DCBLD2: variants seen among roughly 807,000 people sequenced by gnomAD.
The protein encoded by DCBLD2 is discoidin, CUB and LCCL domain containing 2, also known as discoidin, CUB and LCCL domain-containing protein 2.
A neutral mutation model predicts 86.8 loss-of-function variants in DCBLD2; 54 were observed. The ratio of observed to expected loss-of-function variants is 0.62; its 90% CI spans 0.50 to 0.78. The LOEUF (loss-of-function observed/expected upper bound fraction) is 0.78. DCBLD2 is among the 30% of genes least tolerant of loss of function. The pLI, the probability that DCBLD2 is intolerant of heterozygous loss-of-function variation, is 0.00. For synonymous variants in DCBLD2, 354 were observed against 341.3 expected (o/e 1.04, Z -0.41); for missense variants, 908 against 954.2 (o/e 0.95, Z 0.64).
chr3:98,799,970 A>C, intron 15 of DCBLD2, 129 bp from the exon 16 acceptor site: 1 of 726,914 alleles, frequency 1.4e-6, no homozygotes, highest in Non-Finnish European at 2.2e-6. Flanking sequence ...TCAATACTTA[A>C]TCTGTAAGAA....
chr3:98,877,223 T>C (rs1211151900), intron 2 of DCBLD2, among the ~76,000 whole-genome samples: 1 of 152,044 alleles, frequency 6.6e-6, no homozygotes, highest in Non-Finnish European at 1.5e-5. Flanking sequence ...CAGAAAGAAA[T>C]GAACCAAACC....
In DCBLD2 at chr3:98,847,045, G is replaced by A. The variant is rs868463555; in HGVS notation, c.571+2416C>T. ...TCTATCCTCTCACCTATCAACCCAA[G>A]ACTTTCAATAAGTAAAACTTAAAGG... On this transcript the variant is annotated intron_variant, in intron 3 of 15. Transcript: ENST00000326840. Among the ~76,000 whole-genome samples, 358 of 152,190 alleles carry A rather than the reference G, an allele frequency of 2.4e-3. 3 individuals are homozygous for A. Among genetic ancestry groups the A allele is most frequent in the African/African-American group, 8.2e-3 (340 of 41,510 alleles).
intron 13 of DCBLD2, among the ~76,000 whole-genome samples, chr3:98,805,311 C>A (rs1243706804): frequency 6.6e-6 from 1 of 152,044 alleles, no homozygotes; most frequent in Admixed American, 6.6e-5. Context: ...AAAAAAAATA[C>A]TGATTAAACA....
At chr3:98,843,908 T>C (rs952735254) in intron 3 of DCBLD2, among the ~76,000 whole-genome samples, 1 of 152,166 alleles carries the variant, frequency 6.6e-6, no homozygotes, top group Non-Finnish European at 1.5e-5. Context: ...GCAAACTTTA[T>C]AGACTGAGCA....
At chr3:98,835,943 T>C (rs1398594197) in intron 3 of DCBLD2, among the ~76,000 whole-genome samples, 5 of 149,564 alleles carry the variant, frequency 3.3e-5, no homozygotes, top group Non-Finnish European at 5.9e-5. Context: ...TCTTTCTTTT[T>C]TTTTTTTTTT....
At chr3:98,799,906 G>T in intron 15 of DCBLD2, 65 bp from the exon 16 acceptor site, 1 of 1,340,678 alleles carries the variant, frequency 7.5e-7, no homozygotes. Context: ...AATTTAGGGT[G>T]GCAGCTGCAG....
intron 14 of DCBLD2, chr3:98,801,156 C>A: frequency 4.1e-6 from 1 of 244,274 alleles, no homozygotes; most frequent in Non-Finnish European, 7.8e-6. Context: ...TCACTTGCAG[C>A]AATTCAGAAG....
intron 3 of DCBLD2, among the ~76,000 whole-genome samples, chr3:98,840,972 T>C (rs1942609814): frequency 6.6e-6 from 1 of 152,264 alleles, no homozygotes; most frequent in African/African-American, 2.4e-5. Flanking sequence ...TCAGGGATTC[T>C]GCTGAAGCAA....
intron 3 of DCBLD2, among the ~76,000 whole-genome samples, chr3:98,827,952 G>C (rs1217168198): frequency 6.6e-6 from 1 of 152,132 alleles, no homozygotes; most frequent in Non-Finnish European, 1.5e-5. Context: ...GTTTCAGCAA[G>C]GGTGCCTAGA....
At chr3:98,856,552 A>G (rs1942934124) in intron 2 of DCBLD2, among the ~76,000 whole-genome samples, 1 of 152,160 alleles carries the variant, frequency 6.6e-6, no homozygotes, top group South Asian at 2.1e-4. Context: ...TTAGTTTATG[A>G]AAACCCTCTC....
chr3:98,887,861 C>G (rs1253544508), intron 1 of DCBLD2, among the ~76,000 whole-genome samples: 2 of 151,904 alleles, frequency 1.3e-5, no homozygotes, highest in African/African-American at 2.4e-5. Flanking sequence ...GTCCACAGTT[C>G]ATATTAGGGT....
At chr3:98,822,022 G>A (rs7644946) in intron 6 of DCBLD2, 102,951 of 648,528 alleles carry the variant, frequency 0.16, 8,749 homozygotes, top group African/African-American at 0.25. Context: ...CTCCAGCCTG[G>A]GCAATGAGAG....
chr3:98,871,536 G>T (rs1167330944), intron 2 of DCBLD2, among the ~76,000 whole-genome samples: 1 of 151,910 alleles, frequency 6.6e-6, no homozygotes, highest in African/African-American at 2.4e-5. Context: ...CTACTGAAAT[G>T]ATTTTTTTTT....
intron 2 of DCBLD2, among the ~76,000 whole-genome samples, chr3:98,880,358 T>C (rs966276168): frequency 6.6e-6 from 1 of 152,226 alleles, no homozygotes; most frequent in Non-Finnish European, 1.5e-5. Context: ...CAAAAAATGT[T>C]TCTAAATAAA....
intron 3 of DCBLD2, among the ~76,000 whole-genome samples, chr3:98,836,440 G>A (rs1206453305): frequency 6.6e-6 from 1 of 151,706 alleles, no homozygotes; most frequent in Non-Finnish European, 1.5e-5. Context: ...AAGGGCCCAT[G>A]CGTTATGAAA....
intron 12 of DCBLD2, among the ~76,000 whole-genome samples, chr3:98,809,580 T>C (rs1941901206): frequency 1.3e-5 from 2 of 152,170 alleles, no homozygotes; most frequent in African/African-American, 4.8e-5. Flanking sequence ...CTCCCTACTT[T>C]CTCTGTGAAG....
chr3:98,848,957 G>A (rs1376969237), intron 3 of DCBLD2, among the ~76,000 whole-genome samples: 1 of 152,110 alleles, frequency 6.6e-6, no homozygotes, highest in African/African-American at 2.4e-5. Flanking sequence ...ATCACCTGGG[G>A]TCAGGAGTTC....
intron 4 of DCBLD2, among the ~76,000 whole-genome samples, chr3:98,823,622 T>C (rs1296619751): frequency 1.4e-5 from 1 of 72,604 alleles, no homozygotes; most frequent in Non-Finnish European, 2.8e-5. Flanking sequence ...ACACAAATAA[T>C]TGATTTTGAT....
At chr3:98,879,052 C>T (rs1200672052) in intron 2 of DCBLD2, among the ~76,000 whole-genome samples, 1 of 152,196 alleles carries the variant, frequency 6.6e-6, no homozygotes, top group African/African-American at 2.4e-5. Flanking sequence ...CTCTTCCACT[C>T]TACCAACAGT....
Sources: allele counts gnomAD v4.1 joint callset (sites outside exome capture counted in the v4.1 genomes callset), GRCh38; gene constraint gnomAD v4.1.1; transcripts MANE v1.5; gene names NCBI Gene and HGNC (gene_info 2026-07-23, HGNC 2026-07-21).